The following DNAH11 variants were observed in gnomAD, a reference collection of about 807,000 sequenced individuals.
The protein encoded by DNAH11 is axonemal beta dynein heavy chain 11.
A neutral mutation model predicts 526.0 loss-of-function variants in DNAH11; 442 were observed. The ratio of observed to expected loss-of-function variants is 0.84; its 90% CI spans 0.78 to 0.91. The LOEUF (loss-of-function observed/expected upper bound fraction) is 0.91. DNAH11 is among the 40% of genes least tolerant of loss of function. The pLI, the probability that DNAH11 is intolerant of heterozygous loss-of-function variation, is 0.00. For missense variants in DNAH11, 6,989 were observed against 5,448.7 expected (o/e 1.28, Z -8.90); for synonymous variants, 2,461 against 1,935.9 (o/e 1.27, Z -7.12).
At chr7:21,835,506 GA>G (rs1345582973) in intron 65 of DNAH11, among the ~76,000 whole-genome samples, 4 of 151,836 alleles carry the variant, frequency 2.6e-5, no homozygotes, top group Non-Finnish European at 4.4e-5. Context: ...GAATCAAGGG[GA>G]AAAAACATAC....
intron 74 of DNAH11, among the ~76,000 whole-genome samples, chr7:21,876,974 T>C (rs995781462): frequency 6.6e-6 from 1 of 152,234 alleles, no homozygotes; most frequent in Non-Finnish European, 1.5e-5. Flanking sequence ...GCAGTCTCCA[T>C]CACAGATGTC....
At chr7:21,763,518 G>T (rs1787024842) in intron 54 of DNAH11, among the ~76,000 whole-genome samples, 2 of 151,662 alleles carry the variant, frequency 1.3e-5, no homozygotes, top group South Asian at 2.1e-4. Flanking sequence ...TGTTGGTGAG[G>T]CTGTGGAGAA....
At chr7:21,840,724 A>T (rs1484251630) in intron 65 of DNAH11, among the ~76,000 whole-genome samples, 1 of 152,204 alleles carries the variant, frequency 6.6e-6, no homozygotes, top group Non-Finnish European at 1.5e-5. Context: ...CCCTTAAATT[A>T]AAAAAATAAC....
At chr7:21,569,251 G>A (rs1241351791) in intron 6 of DNAH11, among the ~76,000 whole-genome samples, 4 of 152,062 alleles carry the variant, frequency 2.6e-5, no homozygotes, top group African/African-American at 7.2e-5. Context: ...CATTCTAAGC[G>A]ACCACAAAAT....
At chr7:21,761,769 A>C (rs961134798) in intron 54 of DNAH11, among the ~76,000 whole-genome samples, 4 of 152,328 alleles carry the variant, frequency 2.6e-5, no homozygotes, top group South Asian at 4.1e-4. Flanking sequence ...GCAATAATAC[A>C]TAACATGGGA....
At chr7:21,838,252 C>T (rs999644843) in intron 65 of DNAH11, among the ~76,000 whole-genome samples, 1 of 152,330 alleles carries the variant, frequency 6.6e-6, no homozygotes, top group South Asian at 2.1e-4. Context: ...ATACACATTG[C>T]TATGCTCAAA....
chr7:21,828,004 C>A (rs10267329), intron 65 of DNAH11, among the ~76,000 whole-genome samples: 14,241 of 151,250 alleles, frequency 0.094, 2,086 homozygotes, highest in African/African-American at 0.32. Flanking sequence ...GCTGGAGTGC[C>A]GTGGTGTAAT....
chr7:21,606,022 T>G (rs956247155), intron 18 of DNAH11, among the ~76,000 whole-genome samples: 10 of 152,162 alleles, frequency 6.6e-5, no homozygotes, highest in African/African-American at 2.4e-4. Flanking sequence ...TGGGTTAGTG[T>G]AAAGAAATTA....
intron 65 of DNAH11, among the ~76,000 whole-genome samples, chr7:21,832,451 G>A (rs1426369837): frequency 6.6e-6 from 1 of 152,140 alleles, no homozygotes; most frequent in Non-Finnish European, 1.5e-5. Context: ...CTTTCCATTT[G>A]CTTGGTAAAT....
At chr7:21,759,666 G>A (rs1240681065) in intron 54 of DNAH11, among the ~76,000 whole-genome samples, 1 of 151,274 alleles carries the variant, frequency 6.6e-6, no homozygotes, top group Non-Finnish European at 1.5e-5. Flanking sequence ...TACCATCTGA[G>A]AATAAACTAT....
At chr7:21,673,472 A>C (rs995104496) in intron 30 of DNAH11, among the ~76,000 whole-genome samples, 1 of 152,180 alleles carries the variant, frequency 6.6e-6, no homozygotes, top group African/African-American at 2.4e-5. Flanking sequence ...AACTAGAGCA[A>C]TGGCCATCAG....
chr7:21,856,288 T>C (rs1311115187), intron 68 of DNAH11, among the ~76,000 whole-genome samples: 1 of 152,178 alleles, frequency 6.6e-6, no homozygotes, highest in South Asian at 2.1e-4. Flanking sequence ...ACCTGAGATA[T>C]GATTTGAAGC....
chr7:21,731,893 T>G (rs559926741), intron 45 of DNAH11, among the ~76,000 whole-genome samples: 2 of 152,332 alleles, frequency 1.3e-5, no homozygotes, highest in African/African-American at 2.4e-5. Flanking sequence ...GACCCCAAAG[T>G]GCAAGAGTAG....
chr7:21,722,629 C>T (rs17145143), intron 44 of DNAH11, among the ~76,000 whole-genome samples: 3,296 of 152,178 alleles, frequency 0.022, 171 homozygotes, highest in East Asian at 0.21. Context: ...CAGCCATTCT[C>T]AGAAGCCAGA....
intron 62 of DNAH11, among the ~76,000 whole-genome samples, chr7:21,806,157 A>G (rs1789254304): frequency 6.6e-6 from 1 of 152,204 alleles, no homozygotes; most frequent in African/African-American, 2.4e-5. Context: ...GTCAGTAATG[A>G]TTTATGTTGC....
chr7:21,816,033 T>C (rs963733385), intron 63 of DNAH11, among the ~76,000 whole-genome samples: 2 of 152,072 alleles, frequency 1.3e-5, no homozygotes, highest in Non-Finnish European at 1.5e-5. Flanking sequence ...GGTCATCTCT[T>C]TGTAGCACTG....
In DNAH11 at chr7:21,705,531, G is replaced by T. The variant is rs1181268535; in HGVS notation, c.6540G>T (p.Lys2180Asn). 5.6e-6 allele frequency: 9 copies of T among 1,613,528 alleles called. No homozygotes were observed. Among genetic ancestry groups the T allele is most frequent in the Non-Finnish European group, 7.6e-6 (9 of 1,179,578 alleles). Reference protein sequence around the residue: ...VFVVGNAGTGKSKILRTLNRT... With the variant: ...VFVVGNAGTGNSKILRTLNRT... Reference sequence around the variant, plus strand: ...TAGTTGGAAATGCAGGCACAGGAAAGAGTAAGGTATAGTAAATTGCCTAAT... The same window carrying T: ...TAGTTGGAAATGCAGGCACAGGAAATAGTAAGGTATAGTAAATTGCCTAAT... The change falls in exon 39 of 82, where the codon AAG (lysine) becomes AAT (asparagine). Residue 2180 changes from lysine to asparagine, a missense_variant. Coordinates refer to ENST00000409508, the MANE Select transcript of DNAH11 (RefSeq NM_001277115.2).
Position 21,901,209 on chromosome 7 carries a change from T to C in DNAH11, c.13506T>C (p.Thr4502=). 6.2e-7 allele frequency: 1 copy of C among 1,613,860 alleles called. No homozygotes were observed. Among genetic ancestry groups the C allele is most frequent in the Non-Finnish European group, 8.5e-7 (1 of 1,179,788 alleles). ...WTFRLKSEEK[T]AKWVLAGVAL... ...TCAGGCTGAAGAGCGAAGAGAAGAC[T>C]GCAAAATGGGTTCTGGCTGGAGTGG... The change falls in exon 82 of 82, where the codon ACT becomes ACC. Residue 4502 remains threonine (T), a synonymous_variant. Transcript: ENST00000409508.
Position 21,674,098 on chromosome 7 carries a change from C to T in DNAH11, c.5329-7448C>T, listed in dbSNP as rs1467437720. 2.6e-5 allele frequency among the ~76,000 whole-genome samples: 4 copies of T among 151,784 alleles called. No homozygotes were observed. In the South Asian group the frequency reaches 6.3e-4, roughly 24 times the overall value. ...TGTTTTTCATGGAGTTTCACCCTGT[C>T]GCCCAGGCTGGAATGCAGTGGCACT... On this transcript the variant is annotated intron_variant, in intron 30 of 81. Coordinates refer to ENST00000409508, the MANE Select transcript of DNAH11 (RefSeq NM_001277115.2).
Sources: allele counts gnomAD v4.1 joint callset (sites outside exome capture counted in the v4.1 genomes callset), GRCh38; gene constraint gnomAD v4.1.1; transcripts MANE v1.5; gene names NCBI Gene and HGNC (gene_info 2026-07-23, HGNC 2026-07-21).